The following GSR variants were observed in gnomAD, a reference collection of about 807,000 sequenced individuals.
GSR encodes the protein glutathione-disulfide reductase, also known as glutathione reductase, mitochondrial.
Under a neutral mutation model 56.5 loss-of-function variants are expected in GSR, and 48 were observed. That is an observed-to-expected ratio of 0.85 (90% CI 0.67 to 1.08). The LOEUF is 1.08. Among genes scored for constraint, GSR ranks in the 50% least tolerant of loss-of-function variants. GSR has a pLI of 0.00. For synonymous variants in GSR, 264 were observed against 270.8 expected, an observed-to-expected ratio of 0.97 and a Z score of 0.25; for missense variants, 694 against 703.3, an observed-to-expected ratio of 0.99 and a Z score of 0.15.
At chr8:30,682,082 C>T in intron 10 of GSR, 21 bp from the exon 11 acceptor site, 1 of 1,606,996 alleles carries the variant, frequency 6.2e-7, no homozygotes, top group Non-Finnish European at 8.5e-7. Flanking sequence ...ATTTTAAAAT[C>T]AGTGTTTATC....
chr8:30,714,024 T>C (rs953532347), intron 1 of GSR, among the ~76,000 whole-genome samples: 1 of 152,160 alleles, frequency 6.6e-6, no homozygotes, highest in Non-Finnish European at 1.5e-5. Flanking sequence ...AGTTCTAACA[T>C]ACACTGTTAT....
Position 30,709,722 on chromosome 8 carries a change from T to C in GSR, c.422+92A>G, listed in dbSNP as rs563635659. The C allele has an allele frequency of 4.0e-5, 30 of 758,276 alleles. No homozygotes were observed. In the African/African-American group the frequency reaches 5.1e-4, roughly 13 times the overall value. 47.0% of individuals were successfully genotyped at this position (758,276 alleles called of 1,614,324 possible). On this transcript the variant is annotated intron_variant, in intron 3 of 12. Coordinates refer to ENST00000221130, the MANE Select transcript of GSR (RefSeq NM_000637.5). Reference sequence around the variant, plus strand: ...CTCGTATTGTGAATATTTACCGCAATTCCTCCTCCATCCCTAAAAAAGTTT... The same window carrying C: ...CTCGTATTGTGAATATTTACCGCAACTCCTCCTCCATCCCTAAAAAAGTTT...
chr8:30,687,903 A>C (rs1803217565), intron 9 of GSR, among the ~76,000 whole-genome samples: 1 of 152,090 alleles, frequency 6.6e-6, no homozygotes, highest in African/African-American at 2.4e-5. Flanking sequence ...TTTCATTCCC[A>C]TTGTGAATAT....
intron 3 of GSR, among the ~76,000 whole-genome samples, chr8:30,709,519 A>G (rs1017350414): frequency 2.0e-5 from 3 of 152,190 alleles, no homozygotes; most frequent in African/African-American, 7.2e-5. Flanking sequence ...AGAAAGCAGA[A>G]TAGAGGTTCC....
At chr8:30,700,495 A>G (rs954936516) in intron 5 of GSR, among the ~76,000 whole-genome samples, 1 of 151,988 alleles carries the variant, frequency 6.6e-6, no homozygotes, top group Non-Finnish European at 1.5e-5. Flanking sequence ...CCTGCCTGAA[A>G]AGACAAATTT....
At chr8:30,711,756 C>G (rs1009655404) in intron 2 of GSR, among the ~76,000 whole-genome samples, 44 of 152,162 alleles carry the variant, frequency 2.9e-4, no homozygotes, top group Admixed American at 2.6e-3. Context: ...TCACTTGAAC[C>G]CAGGAGGCAG....
rs1197091683 is a variant in GSR, at chr8:30,715,477, AAGG to A, written c.307-3392_307-3390del. Among the ~76,000 whole-genome samples, 3 of 152,288 alleles carry A rather than the reference AAGG, an allele frequency of 2.0e-5. No individual in the cohort carries two copies. The East Asian group carries it at 5.8e-4, about 29-fold the overall frequency. ...GGTTTCCTAATGGTAAGAGCAGAGA[AAGG>A]AGGTCGAAACTCTGTGGGAAGAACA... On this transcript the variant is annotated intron_variant, in intron 1 of 12. Transcript: ENST00000221130.
chr8:30,709,445 A>G (rs2128745912), intron 3 of GSR, among the ~76,000 whole-genome samples: 1 of 152,322 alleles, frequency 6.6e-6, no homozygotes, highest in Admixed American at 6.5e-5. Flanking sequence ...ACTAGACATA[A>G]AGGAACAAAT....
chr8:30,691,756 G>C (rs901193807), intron 8 of GSR, among the ~76,000 whole-genome samples: 1 of 151,876 alleles, frequency 6.6e-6, no homozygotes, highest in Non-Finnish European at 1.5e-5. Flanking sequence ...TATTAAGGAT[G>C]TGTAATAAGA....
At chr8:30,718,934 CTTTGT>C (rs1804434371) in intron 1 of GSR, among the ~76,000 whole-genome samples, 1 of 146,702 alleles carries the variant, frequency 6.8e-6, no homozygotes, top group Admixed American at 6.8e-5. Flanking sequence ...TTTTTTTTTG[CTTTGT>C]TTTGTTTTGA....
rs192404696 is a variant in GSR, at chr8:30,721,875, G to A, written c.306+5655C>T. ...GTCTCTACAAAAAAAAAATTAGCTGGGTGTAGTGGCACACGCCTGTAGTCC... is the reference window on the plus strand; with the variant it reads ...GTCTCTACAAAAAAAAAATTAGCTGAGTGTAGTGGCACACGCCTGTAGTCC... On this transcript the variant is annotated intron_variant, in intron 1 of 12. Transcript: ENST00000221130. Among the ~76,000 whole-genome samples the A allele has an allele frequency of 2.0e-5, 3 of 151,870 alleles. No individual in the cohort carries two copies. In the East Asian group the frequency reaches 5.8e-4, roughly 30 times the overall value.
At chr8:30,680,786 CT>C (rs1802925192) in intron 12 of GSR, 117 bp downstream of exon 12, 1 of 875,344 alleles carries the variant, frequency 1.1e-6, no homozygotes, top group Admixed American at 1.7e-5. Flanking sequence ...CAAAGTGGGC[CT>C]GTCCAGTTGA....
intron 1 of GSR, among the ~76,000 whole-genome samples, chr8:30,720,671 G>GAAAA (rs3077101): frequency 1.3e-4 from 20 of 148,546 alleles, no homozygotes; most frequent in South Asian, 4.2e-4. Context: ...GAGAAAAAGA[G>GAAAA]AAAAAAAAAA....
At chr8:30,710,800 G>A (rs910080290) in intron 2 of GSR, among the ~76,000 whole-genome samples, 24 of 144,358 alleles carry the variant, frequency 1.7e-4, no homozygotes, top group Middle Eastern at 7.8e-3. Context: ...AATGTCTACC[G>A]CATGTGATCA....
At chr8:30,722,319 C>T (rs1448601489) in intron 1 of GSR, among the ~76,000 whole-genome samples, 3 of 152,198 alleles carry the variant, frequency 2.0e-5, no homozygotes, top group Non-Finnish European at 4.4e-5. Context: ...AAATTCTAAA[C>T]CCAGGAGACA....
intron 7 of GSR, among the ~76,000 whole-genome samples, chr8:30,694,939 C>T (rs1317626377): frequency 6.6e-6 from 1 of 151,374 alleles, no homozygotes; most frequent in Non-Finnish European, 1.5e-5. Context: ...CATGGTGGCC[C>T]ACACCTGTAG....
chr8:30,724,544 C>CTTTTTTTTTTTTT (rs56145808), intron 1 of GSR, among the ~76,000 whole-genome samples: 2 of 84,626 alleles, frequency 2.4e-5, no homozygotes, highest in African/African-American at 4.9e-5. Flanking sequence ...AACCCCCCAC[C>CTTTTTTTTTTTTT]TTTTTTTTTT....
At chr8:30,714,909 A>C (rs570704248) in intron 1 of GSR, among the ~76,000 whole-genome samples, 138 of 152,324 alleles carry the variant, frequency 9.1e-4, no homozygotes, top group Non-Finnish European at 1.7e-3. Flanking sequence ...TACAAGCAGC[A>C]ATTATTCCAC....
At chr8:30,725,790 G>T (rs1586075709) in intron 1 of GSR, among the ~76,000 whole-genome samples, 1 of 148,982 alleles carries the variant, frequency 6.7e-6, no homozygotes, top group Admixed American at 6.7e-5. Context: ...GCTGAGACGG[G>T]AGAACTGCTT....
Sources: allele counts gnomAD v4.1 joint callset (sites outside exome capture counted in the v4.1 genomes callset), GRCh38; gene constraint gnomAD v4.1.1; transcripts MANE v1.5; gene names NCBI Gene and HGNC (gene_info 2026-07-23, HGNC 2026-07-21).